The following STAT5B variants were observed in gnomAD, a reference collection of about 807,000 sequenced individuals.
The protein encoded by STAT5B is signal transducer and activator of transcription 5B, also known as transcription factor STAT5B.
In STAT5B, 21 loss-of-function variants were observed where a neutral mutation model predicts 107.8. The ratio of observed to expected loss-of-function variants is 0.19; its 90% CI spans 0.14 to 0.28. The LOEUF is 0.28. Among genes scored for constraint, STAT5B ranks in the 10% least tolerant of loss-of-function variants. The probability of loss-of-function intolerance (pLI) is 1.00; values close to 1 mark genes in which losing one functional copy is unlikely to be tolerated. For missense variants in STAT5B, 565 were observed against 1,008.2 expected (o/e 0.56, Z 5.95); for synonymous variants, 325 against 401.7 (o/e 0.81, Z 2.28).
rs750399917 is a variant in STAT5B at position 42,210,170 on chromosome 17, C to T, written c.1906+1G>A. 6.2e-7 allele frequency: 1 copy of T among 1,614,148 alleles called. No homozygotes were observed. The highest frequency in any genetic ancestry group is 8.5e-7 in the Non-Finnish European group (1 of 1,180,034). On this transcript the variant is annotated splice_donor_variant, in intron 15 of 18. Transcript: ENST00000293328. LOFTEE classifies it high-confidence loss of function. ...GGACATAAGAAGGGAGGGGCACTCACGAGAATCAAACTTCCAAGCAATGGT... is the reference window on the plus strand; with the variant it reads ...GGACATAAGAAGGGAGGGGCACTCATGAGAATCAAACTTCCAAGCAATGGT...
chr17:42,225,570 T>C (rs1032483078), intron 3 of STAT5B, among the ~76,000 whole-genome samples: 1 of 152,126 alleles, frequency 6.6e-6, no homozygotes, highest in African/African-American at 2.4e-5. Context: ...CCCACTTGGA[T>C]ACCAAAATCT....
rs368204361 is a variant in STAT5B at position 42,220,035 on chromosome 17, G to A, written c.551-193C>T. On this transcript the variant is annotated intron_variant, in intron 5 of 18. Transcript: ENST00000293328. ...CAGGAGGCGCCTCTGGGCCCTGCTC[G>A]CCAGCCTCCTGACTCTGAGCCGTCC... Among the ~76,000 whole-genome samples, 733 of 152,310 alleles carry A rather than the reference G, an allele frequency of 4.8e-3. 3 individuals are homozygous for A. The highest frequency in any genetic ancestry group is 0.01 in the Middle Eastern group (3 of 294).
chr17:42,205,178 C>T (rs1042433779), intron 16 of STAT5B, among the ~76,000 whole-genome samples: 7 of 152,098 alleles, frequency 4.6e-5, no homozygotes, highest in African/African-American at 1.4e-4. Flanking sequence ...CAGGTACCTG[C>T]CACCATGCCC....
At chr17:42,239,477 TAAATAA>T (rs1242935727) in intron 1 of STAT5B, among the ~76,000 whole-genome samples, 3 of 151,948 alleles carry the variant, frequency 2.0e-5, no homozygotes, top group Non-Finnish European at 1.5e-5. Flanking sequence ...ATTCATCTAA[TAAATAA>T]AAATAAACTT....
chr17:42,270,134 AG>A (rs1426553011), intron 1 of STAT5B, among the ~76,000 whole-genome samples: 11 of 152,170 alleles, frequency 7.2e-5, no homozygotes, highest in Non-Finnish European at 1.3e-4. Context: ...TCTTGAACCC[AG>A]GAGACGGAGG....
At chr17:42,261,785 C>T (rs1459949533) in intron 1 of STAT5B, among the ~76,000 whole-genome samples, 2 of 152,114 alleles carry the variant, frequency 1.3e-5, no homozygotes, top group African/African-American at 4.8e-5. Context: ...CTTTTGAACC[C>T]CTGGGCTCAA....
At chr17:42,273,990 G>A (rs921339928) in intron 1 of STAT5B, among the ~76,000 whole-genome samples, 3 of 152,122 alleles carry the variant, frequency 2.0e-5, no homozygotes, top group Non-Finnish European at 2.9e-5. Context: ...GATAGGAAGT[G>A]TTGACCAAAA....
At chr17:42,254,051 G>A (rs1273453765) in intron 1 of STAT5B, among the ~76,000 whole-genome samples, 1 of 152,030 alleles carries the variant, frequency 6.6e-6, no homozygotes, top group African/African-American at 2.4e-5. Context: ...CAATGTAAAT[G>A]AGCACAGATA....
intron 1 of STAT5B, among the ~76,000 whole-genome samples, chr17:42,265,594 G>C (rs1458386157): frequency 6.6e-6 from 1 of 151,720 alleles, no homozygotes; most frequent in Non-Finnish European, 1.5e-5. Context: ...CTCGTGATCC[G>C]ACTGCCTTAG....
At chr17:42,253,107 C>CCTTTCTTTCTTT (rs3048166) in intron 1 of STAT5B, among the ~76,000 whole-genome samples, 7 of 148,424 alleles carry the variant, frequency 4.7e-5, no homozygotes, top group Admixed American at 2.0e-4. Context: ...AGACGTTGAA[C>CCTTTCTTTCTTT]CTTTCTTTCT....
the STAT5B span, among the ~76,000 whole-genome samples, chr17:42,283,902 G>A: frequency 9.2e-5 from 14 of 152,160 alleles, no homozygotes; most frequent in African/African-American, 3.4e-4. Context: ...GGGGGCTGGA[G>A]TGCAGGTAGG....
In STAT5B at chr17:42,203,029, G is replaced by A. The variant is rs369352493; in HGVS notation, c.2078-221C>T. On this transcript the variant is annotated intron_variant, in intron 16 of 18. Coordinates refer to ENST00000293328, the MANE Select transcript of STAT5B (RefSeq NM_012448.4). The stretch of plus-strand genomic sequence containing the variant: ...GCAATCTCGGCTCACTGCAGCCTCC[G>A]CCTCCCAGGTTCAAATGATTCCGAT... 1.3e-4 allele frequency: 77 copies of A among 593,470 alleles called. 2 individuals are homozygous for A. The highest frequency in any genetic ancestry group is 1.1e-3 in the East Asian group (35 of 31,588). 36.8% of individuals were successfully genotyped at this position (593,470 alleles called of 1,614,324 possible).
chr17:42,280,370 G>A (rs1464993815), upstream of STAT5B, among the ~76,000 whole-genome samples: 1 of 151,984 alleles, frequency 6.6e-6, no homozygotes, highest in African/African-American at 2.4e-5. Flanking sequence ...CTTTCAGAGG[G>A]GGCAGCTTCC....
At chr17:42,277,712 T>C (rs2080776352), upstream of STAT5B, among the ~76,000 whole-genome samples, 1 of 152,060 alleles carries the variant, frequency 6.6e-6, no homozygotes, top group Non-Finnish European at 1.5e-5. Flanking sequence ...GACACTCAGG[T>C]GCTCCATGTT....
intron 1 of STAT5B, among the ~76,000 whole-genome samples, chr17:42,244,024 TAAG>T (rs2080429018): frequency 2.0e-5 from 3 of 151,568 alleles, no homozygotes; most frequent in South Asian, 4.2e-4. Context: ...TACGGAAAAA[TAAG>T]AAATGATTTG....
At chr17:42,205,210 T>C (rs2080076233) in intron 16 of STAT5B, among the ~76,000 whole-genome samples, 1 of 151,898 alleles carries the variant, frequency 6.6e-6, no homozygotes, top group African/African-American at 2.4e-5. Flanking sequence ...GTATGTTTTT[T>C]AGTAGAGATG....
intron 16 of STAT5B, among the ~76,000 whole-genome samples, chr17:42,204,353 G>A (rs1271412623): frequency 3.3e-5 from 5 of 152,164 alleles, no homozygotes; most frequent in African/African-American, 4.8e-5. Flanking sequence ...TTCTGGGTAC[G>A]TGAATATGGG....
intron 2 of STAT5B, among the ~76,000 whole-genome samples, chr17:42,231,605 G>A (rs929026665): frequency 6.6e-6 from 1 of 152,178 alleles, no homozygotes; most frequent in Non-Finnish European, 1.5e-5. Context: ...GCCTCCCAAA[G>A]TGTTGGGATT....
chr17:42,281,823 C>T, the STAT5B span, among the ~76,000 whole-genome samples: 1 of 152,202 alleles, frequency 6.6e-6, no homozygotes, highest in African/African-American at 2.4e-5. Context: ...TGGGCTCTCT[C>T]CACCCAGAGT....
Sources: allele counts gnomAD v4.1 joint callset (sites outside exome capture counted in the v4.1 genomes callset), GRCh38; gene constraint gnomAD v4.1.1; transcripts MANE v1.5; gene names NCBI Gene and HGNC (gene_info 2026-07-23, HGNC 2026-07-21).